NUDT3: variants seen among roughly 807,000 people sequenced by gnomAD.
NUDT3 encodes the protein diphosphoinositol polyphosphate phosphohydrolase 1.
A neutral mutation model predicts 23.6 loss-of-function variants in NUDT3; 9 were observed. That is an observed-to-expected ratio of 0.38 (90% CI 0.23 to 0.66). The LOEUF is 0.66. Among genes scored for constraint, NUDT3 ranks in the 30% least tolerant of loss-of-function variants. The probability of loss-of-function intolerance (pLI) is 0.52; values close to 1 mark genes in which losing one functional copy is unlikely to be tolerated. For missense variants in NUDT3, 172 were observed against 218.5 expected (o/e 0.79, Z 1.34); for synonymous variants, 86 against 82.6 (o/e 1.04, Z -0.22).
rs1242295045 is a variant in NUDT3 at position 34,287,282 on chromosome 6, A to G, written c.*1471T>C. 2 of 152,228 alleles carry G rather than the reference A, an allele frequency of 1.3e-5. No individual in the cohort carries two copies. Among genetic ancestry groups the G allele is most frequent in the Non-Finnish European group, 1.5e-5 (1 of 68,038 alleles). The allele number at this position is 152,228 out of a possible 1,614,324, so 9.4% of individuals were successfully genotyped here. A position where few individuals can be genotyped will look rare whatever the true frequency, so the allele number is the denominator to read the frequency against. The stretch of plus-strand genomic sequence containing the variant: ...ATCTTGGCTAAGGAGATGCCACTGG[A>G]GTACAGAGATAATCTCCTGTCTTAA... On this transcript the variant is annotated 3_prime_UTR_variant, in exon 5 of 5. Transcript: ENST00000607016.
rs1165479639 is a variant in NUDT3, at chr6:34,392,627, C to G, written c.-265G>C. 1.2e-5 allele frequency: 3 copies of G among 250,892 alleles called. No homozygotes were observed. Among genetic ancestry groups the G allele is most frequent in the Non-Finnish European group, 2.3e-5 (3 of 132,264 alleles). 15.5% of individuals were successfully genotyped at this position (250,892 alleles called of 1,614,324 possible). A position where few individuals can be genotyped will look rare whatever the true frequency, so the allele number is the denominator to read the frequency against. Reference sequence around the variant, plus strand: ...CCCCCTCTGCCGCCGCCACCCCCGACGACGACCGCGCCGCCATCTTGGGCG... The same window carrying G: ...CCCCCTCTGCCGCCGCCACCCCCGAGGACGACCGCGCCGCCATCTTGGGCG... On this transcript the variant is annotated 5_prime_UTR_variant, in exon 1 of 5. Coordinates refer to ENST00000607016, the MANE Select transcript of NUDT3 (RefSeq NM_006703.4).
intron 4 of NUDT3, among the ~76,000 whole-genome samples, chr6:34,290,151 CT>C (rs1763396189): frequency 1.3e-5 from 2 of 152,150 alleles, no homozygotes; most frequent in Admixed American, 6.6e-5. Flanking sequence ...TGAAGAGTAA[CT>C]GGCTGCTAAA....
At chr6:34,296,935 C>CTT (rs566118949) in intron 2 of NUDT3, among the ~76,000 whole-genome samples, 1,535 of 134,682 alleles carry the variant, frequency 0.011, 28 homozygotes, top group African/African-American at 0.032. Context: ...GTGGTTAGAC[C>CTT]TTTTTTTTTT....
At chr6:34,308,054 G>A (rs1763708104) in intron 2 of NUDT3, among the ~76,000 whole-genome samples, 1 of 135,452 alleles carries the variant, frequency 7.4e-6, no homozygotes, top group East Asian at 2.3e-4. Flanking sequence ...CTAGGAGGCA[G>A]AGGTTGCGGT....
intron 2 of NUDT3, among the ~76,000 whole-genome samples, chr6:34,308,503 C>A (rs1763719564): frequency 6.7e-6 from 1 of 150,352 alleles, no homozygotes. Flanking sequence ...GAGTGCATCA[C>A]AAAACAAGAG....
chr6:34,336,028 G>A lies in NUDT3; in HGVS notation c.210+5834C>T, dbSNP rs182925669. On this transcript the variant is annotated intron_variant, in intron 2 of 4. Transcript: ENST00000607016. ...ATATGGCTGTAATCCCAGCATTTTGGGAGGCCGAGGCGGGTGGACTGCCTA... is the reference window on the plus strand; with the variant it reads ...ATATGGCTGTAATCCCAGCATTTTGAGAGGCCGAGGCGGGTGGACTGCCTA... Among the ~76,000 whole-genome samples, 148 of 152,128 alleles carry A rather than the reference G, an allele frequency of 9.7e-4. 1 individual carries two copies. In the East Asian group the frequency reaches 0.024, roughly 25 times the overall value.
chr6:34,305,504 C>T (rs1403224273), intron 2 of NUDT3, among the ~76,000 whole-genome samples: 1 of 152,004 alleles, frequency 6.6e-6, no homozygotes, highest in Non-Finnish European at 1.5e-5. Flanking sequence ...TAAAAATAAC[C>T]CACTTTTGGT....
chr6:34,322,005 G>A (rs572668757), intron 2 of NUDT3, among the ~76,000 whole-genome samples: 37 of 152,296 alleles, frequency 2.4e-4, no homozygotes, highest in African/African-American at 2.4e-5. Flanking sequence ...AGTGTGCCCA[G>A]AAAGCCTTAA....
chr6:34,342,681 T>C (rs959519277), intron 1 of NUDT3, among the ~76,000 whole-genome samples: 2 of 152,216 alleles, frequency 1.3e-5, no homozygotes, highest in Non-Finnish European at 1.5e-5. Context: ...GTAGGAAAGA[T>C]GCTAAACAAA....
chr6:34,284,525 C>T lies in NUDT3; in HGVS notation c.*4228G>A, dbSNP rs1482580061. On this transcript the variant is annotated 3_prime_UTR_variant, in exon 5 of 5. Coordinates refer to ENST00000607016, the MANE Select transcript of NUDT3 (RefSeq NM_006703.4). ...CTAAAAAAAGTGAATGTGGCTTAGG[C>T]TAAGCTGTTTTTTTTTTTTTTTTTT... 1.4e-5 allele frequency: 2 copies of T among 144,404 alleles called. No individual in the cohort carries two copies. Among genetic ancestry groups the T allele is most frequent in the African/African-American group, 5.1e-5 (2 of 39,190 alleles). 8.9% of individuals were successfully genotyped at this position (144,404 alleles called of 1,614,324 possible). A position where few individuals can be genotyped will look rare whatever the true frequency, so the allele number is the denominator to read the frequency against.
chr6:34,334,363 G>T (rs1304526131), intron 2 of NUDT3, among the ~76,000 whole-genome samples: 1 of 152,184 alleles, frequency 6.6e-6, no homozygotes, highest in Admixed American at 6.5e-5. Flanking sequence ...ATGGGACCAG[G>T]GGCGGTGGCT....
At chr6:34,390,372 G>A (rs1325446901) in intron 1 of NUDT3, among the ~76,000 whole-genome samples, 1 of 151,646 alleles carries the variant, frequency 6.6e-6, no homozygotes, top group African/African-American at 2.4e-5. Context: ...CCGTGAGGTA[G>A]CCTAAACAGA....
intron 1 of NUDT3, among the ~76,000 whole-genome samples, chr6:34,353,277 CACAGGGTAT>C (rs1764505940): frequency 6.6e-6 from 1 of 151,972 alleles, no homozygotes. Flanking sequence ...TTTAAATAAC[CACAGGGTAT>C]GTTTTTAAAA....
intron 1 of NUDT3, among the ~76,000 whole-genome samples, chr6:34,363,475 G>T (rs923351741): frequency 2.6e-5 from 4 of 152,246 alleles, no homozygotes; most frequent in African/African-American, 7.2e-5. Context: ...CCTAACTCAT[G>T]AAGGAGAATA....
intron 2 of NUDT3, among the ~76,000 whole-genome samples, chr6:34,296,401 C>T (rs1238803244): frequency 6.6e-6 from 1 of 152,084 alleles, no homozygotes. Flanking sequence ...TGGTGAAACC[C>T]TGTCTCTACA....
intron 1 of NUDT3, among the ~76,000 whole-genome samples, chr6:34,357,570 T>C (rs1347508238): frequency 6.7e-6 from 1 of 148,522 alleles, no homozygotes; most frequent in Non-Finnish European, 1.5e-5. Flanking sequence ...GCCGTGATCA[T>C]CCCACTATAC....
At chr6:34,372,059 C>A (rs879441556) in intron 1 of NUDT3, among the ~76,000 whole-genome samples, 1 of 152,204 alleles carries the variant, frequency 6.6e-6, no homozygotes, top group Non-Finnish European at 1.5e-5. Flanking sequence ...CGTGTCCCTA[C>A]AAAGGACATG....
Position 34,305,345 on chromosome 6 carries a change from G to C in NUDT3, c.211-9660C>G, listed in dbSNP as rs181394419. ...TGGAAAATTTCTATGAAAGTTTTCA[G>C]ATCTTTCTGTTTGTAGCTCTTTGTA... On this transcript the variant is annotated intron_variant, in intron 2 of 4. Coordinates refer to ENST00000607016, the MANE Select transcript of NUDT3 (RefSeq NM_006703.4). 3.6e-3 allele frequency among the ~76,000 whole-genome samples: 542 copies of C among 152,264 alleles called. 5 individuals are homozygous for C. Among genetic ancestry groups the C allele is most frequent in the Admixed American group, 7.6e-3 (117 of 15,296 alleles).
At chr6:34,323,250 G>T (rs1441303826) in intron 2 of NUDT3, among the ~76,000 whole-genome samples, 1 of 150,752 alleles carries the variant, frequency 6.6e-6, no homozygotes, top group Non-Finnish European at 1.5e-5. Flanking sequence ...TGGAAAGAAG[G>T]AAAGAGAGGG....
Sources: gnomAD v4.1 joint callset for allele counts (sites outside exome capture counted in the v4.1 genomes callset) on GRCh38, gnomAD v4.1.1 for gene constraint, MANE v1.5 for transcripts, NCBI Gene and HGNC (gene_info 2026-07-23, HGNC 2026-07-21) for gene names.